PRKCA: variants seen among roughly 807,000 people sequenced by gnomAD.
PRKCA encodes protein kinase C alpha.
PRKCA carries 27 observed loss-of-function variants against 87.0 expected under a neutral mutation model. The ratio of observed to expected loss-of-function variants is 0.31; its 90% CI spans 0.23 to 0.43. The LOEUF is 0.43. PRKCA is among the 20% of genes least tolerant of loss of function. PRKCA has a pLI of 1.00. For missense variants in PRKCA, 518 were observed against 852.3 expected (o/e 0.61, Z 4.88); for synonymous variants, 329 against 311.1 (o/e 1.06, Z -0.61).
At chr17:66,465,461 G>A (rs1010852731) in intron 2 of PRKCA, among the ~76,000 whole-genome samples, 2 of 152,180 alleles carry the variant, frequency 1.3e-5, no homozygotes, top group South Asian at 2.1e-4. Context: ...GTGTGATCAT[G>A]GTTCACAGCA....
At chr17:66,555,521 C>A (rs1968467691) in intron 3 of PRKCA, among the ~76,000 whole-genome samples, 1 of 152,184 alleles carries the variant, frequency 6.6e-6, no homozygotes, top group Non-Finnish European at 1.5e-5. Flanking sequence ...GCCTCCCCAC[C>A]AGTGTAATAA....
At chr17:66,731,877 G>A (rs1463915936) in intron 8 of PRKCA, among the ~76,000 whole-genome samples, 1 of 114,682 alleles carries the variant, frequency 8.7e-6, no homozygotes, top group Admixed American at 1.2e-4. Context: ...TCCGCCCCCC[G>A]CCCCCCGGTT....
chr17:66,389,449 C>T (rs1910244111), intron 2 of PRKCA, among the ~76,000 whole-genome samples: 1 of 152,122 alleles, frequency 6.6e-6, no homozygotes, highest in Non-Finnish European at 1.5e-5. Context: ...AGTAGCCTCC[C>T]CTGCATAAGG....
intron 8 of PRKCA, among the ~76,000 whole-genome samples, chr17:66,720,049 C>A (rs771571635): frequency 3.0e-4 from 45 of 152,332 alleles, no homozygotes; most frequent in South Asian, 1.0e-3. Context: ...ACAAAACAGA[C>A]GAGCCGTGCG....
At chr17:66,400,584 C>T (rs148558494) in intron 2 of PRKCA, among the ~76,000 whole-genome samples, 11 of 152,288 alleles carry the variant, frequency 7.2e-5, no homozygotes, top group African/African-American at 2.4e-4. Context: ...GCTATGAACA[C>T]GGGTGTACAA....
chr17:66,570,282 T>C (rs948131125), intron 3 of PRKCA, among the ~76,000 whole-genome samples: 2 of 152,294 alleles, frequency 1.3e-5, no homozygotes, highest in African/African-American at 4.8e-5. Context: ...ATTCTGACGA[T>C]GGACGGGTTT....
At chr17:66,584,050 C>T (rs959031757) in intron 3 of PRKCA, among the ~76,000 whole-genome samples, 28 of 152,170 alleles carry the variant, frequency 1.8e-4, no homozygotes, top group African/African-American at 6.3e-4. Flanking sequence ...CGTTGGGACA[C>T]AAATCCGAGT....
At chr17:66,754,495 G>A (rs888823630) in intron 13 of PRKCA, among the ~76,000 whole-genome samples, 2 of 152,164 alleles carry the variant, frequency 1.3e-5, no homozygotes, top group African/African-American at 2.4e-5. Context: ...AGTGGTAAAC[G>A]AGGGTACGAC....
chr17:66,541,981 C>A (rs543909457), intron 3 of PRKCA, among the ~76,000 whole-genome samples: 1 of 152,168 alleles, frequency 6.6e-6, no homozygotes, highest in African/African-American at 2.4e-5. Context: ...CAAGCCACCA[C>A]GTGGAATCTC....
intron 2 of PRKCA, among the ~76,000 whole-genome samples, chr17:66,369,554 A>G (rs1366783191): frequency 6.6e-6 from 1 of 152,142 alleles, no homozygotes; most frequent in East Asian, 1.9e-4. Context: ...AAATTTTTTA[A>G]CTTGGATGCC....
chr17:66,688,677 C>A (rs1040075634), intron 7 of PRKCA, among the ~76,000 whole-genome samples: 3 of 152,016 alleles, frequency 2.0e-5, no homozygotes, highest in Non-Finnish European at 4.4e-5. Flanking sequence ...GTGGTGTACC[C>A]CTGTAGTCCC....
intron 8 of PRKCA, among the ~76,000 whole-genome samples, chr17:66,690,415 G>C (rs763455218): frequency 3.3e-5 from 5 of 152,148 alleles, no homozygotes; most frequent in African/African-American, 1.2e-4. Flanking sequence ...CCCACTCGAT[G>C]TTTCTCACAG....
At position 66,806,260 on chromosome 17, in the gene PRKCA, A is replaced by G. The variant is rs1976029206; in HGVS notation, c.*2223A>G. 6.6e-6 allele frequency: 1 copy of G among 152,268 alleles called. No individual in the cohort carries two copies. Among genetic ancestry groups the G allele is most frequent in the Admixed American group, 6.5e-5 (1 of 15,286 alleles). 9.4% of individuals were successfully genotyped at this position (152,268 alleles called of 1,614,324 possible). On this transcript the variant is annotated 3_prime_UTR_variant, in exon 17 of 17. Transcript: ENST00000413366. The stretch of plus-strand genomic sequence containing the variant: ...TTTGCCTGAAGTTCACAGAACACAC[A>G]ACCATGAAAGGCTTTTTGAGGTGAG...
At chr17:66,640,788 A>G (rs1472682214) in intron 3 of PRKCA, 10 of 330,128 alleles carry the variant, frequency 3.0e-5, no homozygotes, top group African/African-American at 4.5e-5. Context: ...TAGCTCCAGA[A>G]GTAATAGCTT....
At position 66,802,356 on chromosome 17, in the gene PRKCA, A is replaced by G. The variant is rs916032925; in HGVS notation, c.1855-1517A>G. ...TATTTGATGAAAAGTAGGTGGGAAA[A>G]GGGTAATGAAAGTAGCTTCGTCGCT... On this transcript the variant is annotated intron_variant, in intron 16 of 16. Coordinates refer to ENST00000413366, the MANE Select transcript of PRKCA (RefSeq NM_002737.3). Among the ~76,000 whole-genome samples, 3 of 152,078 alleles carry G rather than the reference A, an allele frequency of 2.0e-5. No individual in the cohort carries two copies. The East Asian group carries it at 5.8e-4, about 29-fold the overall frequency.
At chr17:66,602,363 C>T (rs1183351020) in intron 3 of PRKCA, among the ~76,000 whole-genome samples, 25 of 143,738 alleles carry the variant, frequency 1.7e-4, no homozygotes, top group African/African-American at 5.6e-4. Context: ...TTCTTTGACT[C>T]GGAAAGGGAA....
chr17:66,630,483 G>A (rs553057311), intron 3 of PRKCA, among the ~76,000 whole-genome samples: 1 of 152,352 alleles, frequency 6.6e-6, no homozygotes, highest in East Asian at 1.9e-4. Context: ...CAAAGGGAGT[G>A]AAGTTTAGCT....
intron 5 of PRKCA, among the ~76,000 whole-genome samples, chr17:66,645,798 C>G (rs1598841567): frequency 6.6e-6 from 1 of 152,038 alleles, no homozygotes; most frequent in Non-Finnish European, 1.5e-5. Flanking sequence ...CCCGTGTACT[C>G]TCCTCCCGGT....
intron 1 of PRKCA, among the ~76,000 whole-genome samples, chr17:66,303,287 C>T (rs1904618011): frequency 2.0e-5 from 3 of 152,114 alleles, no homozygotes; most frequent in Admixed American, 2.0e-4. Flanking sequence ...GATCCCTCTC[C>T]GGGCCGGGCC....
Sources: gnomAD v4.1 joint callset for allele counts (sites outside exome capture counted in the v4.1 genomes callset) on GRCh38, gnomAD v4.1.1 for gene constraint, MANE v1.5 for transcripts, NCBI Gene and HGNC (gene_info 2026-07-23, HGNC 2026-07-21) for gene names.